Variants in STAG1 observed in about 807,000 individuals in gnomAD.
The protein encoded by STAG1 is STAG1 cohesin complex component, also known as cohesin subunit SA-1.
Under a neutral mutation model 170.9 loss-of-function variants are expected in STAG1, and 26 were observed. The ratio of observed to expected loss-of-function variants is 0.15; its 90% confidence interval spans 0.11 to 0.21. STAG1 has a LOEUF of 0.21. Ranked by LOEUF, STAG1 falls within the 10% of genes least tolerant of loss-of-function variation. STAG1 has a pLI of 1.00. For synonymous variants in STAG1, 514 were observed against 497.7 expected (o/e 1.03, Z -0.44); for missense variants, 964 against 1,509.5 (o/e 0.64, Z 5.99).
chr3:136,481,938 A>C (rs372408903), intron 9 of STAG1, among the ~76,000 whole-genome samples: 12,493 of 47,594 alleles, frequency 0.26, 4,812 homozygotes, highest in Non-Finnish European at 0.38. Flanking sequence ...CCCCTTTATC[A>C]TTTTTTATTG....
intron 27 of STAG1, among the ~76,000 whole-genome samples, chr3:136,358,340 C>T (rs1430233744): frequency 6.6e-6 from 1 of 152,082 alleles, no homozygotes; most frequent in Non-Finnish European, 1.5e-5. Flanking sequence ...CTCCTTTGGC[C>T]TCCCAAAGTG....
At chr3:136,635,357 A>G (rs1422832231) in intron 1 of STAG1, among the ~76,000 whole-genome samples, 1 of 152,198 alleles carries the variant, frequency 6.6e-6, no homozygotes, top group Non-Finnish European at 1.5e-5. Flanking sequence ...AAAGAGCCAA[A>G]AAAGAAAAAC....
intron 26 of STAG1, 104 bp from the exon 27 acceptor site, chr3:136,359,400 GTT>G (rs1936773113): frequency 1.3e-6 from 1 of 770,528 alleles, no homozygotes; most frequent in African/African-American, 1.8e-5. Flanking sequence ...AAGGTGAAAT[GTT>G]TCTCTTCTTG....
At chr3:136,635,017 G>C (rs1297042326) in intron 1 of STAG1, among the ~76,000 whole-genome samples, 1 of 152,108 alleles carries the variant, frequency 6.6e-6, no homozygotes, top group East Asian at 1.9e-4. Context: ...AGGAAGAAAA[G>C]CCCAGGACCA....
At chr3:136,410,192 G>A (rs757010882) in intron 21 of STAG1, among the ~76,000 whole-genome samples, 11 of 152,062 alleles carry the variant, frequency 7.2e-5, no homozygotes, top group Non-Finnish European at 1.3e-4. Flanking sequence ...CTGAGGTCAG[G>A]AGTTCAAGAC....
intron 13 of STAG1, among the ~76,000 whole-genome samples, chr3:136,462,479 T>C (rs2089301156): frequency 6.6e-6 from 1 of 151,696 alleles, no homozygotes; most frequent in Non-Finnish European, 1.5e-5. Context: ...ATGTGGGAGC[T>C]AAAAAAAAGA....
At chr3:136,685,733 C>T (rs1368707813) in intron 1 of STAG1, among the ~76,000 whole-genome samples, 1 of 151,114 alleles carries the variant, frequency 6.6e-6, no homozygotes, top group Non-Finnish European at 1.5e-5. Flanking sequence ...CTGGAAAAGG[C>T]AAAACGAAAA....
chr3:136,355,712 T>C (rs1457503916), intron 28 of STAG1, among the ~76,000 whole-genome samples: 2 of 151,896 alleles, frequency 1.3e-5, no homozygotes. Context: ...TTTAAAAGGA[T>C]TAAAATAATA....
intron 23 of STAG1, among the ~76,000 whole-genome samples, chr3:136,376,028 A>ATT (rs1297090066): frequency 1.4e-5 from 2 of 145,266 alleles, no homozygotes; most frequent in African/African-American, 5.2e-5. Context: ...AAATAAAATA[A>ATT]AATAAAATAA....
intron 1 of STAG1, among the ~76,000 whole-genome samples, chr3:136,691,051 A>C (rs562311627): frequency 1.2e-4 from 18 of 151,626 alleles, no homozygotes; most frequent in Non-Finnish European, 2.1e-4. Flanking sequence ...CAATCCCAAC[A>C]CTCTGGAAAG....
At chr3:136,385,211 G>A (rs944908170) in intron 22 of STAG1, among the ~76,000 whole-genome samples, 3 of 152,186 alleles carry the variant, frequency 2.0e-5, no homozygotes, top group Admixed American at 1.3e-4. Context: ...TACTTTGGGA[G>A]GGGGAGGCAG....
intron 1 of STAG1, among the ~76,000 whole-genome samples, chr3:136,638,991 A>G (rs916461782): frequency 6.6e-6 from 1 of 152,086 alleles, no homozygotes; most frequent in Non-Finnish European, 1.5e-5. Flanking sequence ...AAAACAGCTA[A>G]CAAGTAAAAA....
intron 21 of STAG1, among the ~76,000 whole-genome samples, chr3:136,399,662 T>C (rs1348390793): frequency 1.3e-5 from 2 of 152,192 alleles, no homozygotes; most frequent in African/African-American, 2.4e-5. Flanking sequence ...TGGATCATAT[T>C]GCGATTAACA....
intron 6 of STAG1, among the ~76,000 whole-genome samples, chr3:136,540,815 G>C (rs1240655315): frequency 2.6e-5 from 1 of 39,200 alleles, no homozygotes; most frequent in Non-Finnish European, 5.5e-5. Context: ...GAGTGAAACT[G>C]TGTCTCCAAA....
intron 6 of STAG1, among the ~76,000 whole-genome samples, chr3:136,536,573 C>T (rs754705448): frequency 5.3e-5 from 8 of 151,776 alleles, no homozygotes; most frequent in East Asian, 1.9e-4. Flanking sequence ...TGGTGGTGTG[C>T]GCCTGTAGTC....
At chr3:136,433,463 T>C (rs1243955557) in intron 16 of STAG1, 93 bp downstream of exon 16, 2 of 852,280 alleles carry the variant, frequency 2.3e-6, no homozygotes, top group African/African-American at 1.7e-5. Flanking sequence ...ACCATGTTTT[T>C]AGGGATACAA....
At chr3:136,491,714 CG>C (rs1250830058) in intron 9 of STAG1, among the ~76,000 whole-genome samples, 2 of 152,066 alleles carry the variant, frequency 1.3e-5, no homozygotes, top group Non-Finnish European at 2.9e-5. Flanking sequence ...ATTTGTTGGC[CG>C]GGTGCAGTGG....
intron 23 of STAG1, among the ~76,000 whole-genome samples, chr3:136,377,082 G>T (rs1345261847): frequency 1.3e-5 from 2 of 149,628 alleles, no homozygotes; most frequent in African/African-American, 4.9e-5. Context: ...CGGCCATTCT[G>T]GTGTCAATTC....
At chr3:136,633,861 C>T (rs909006534) in intron 1 of STAG1, among the ~76,000 whole-genome samples, 3 of 146,740 alleles carry the variant, frequency 2.0e-5, no homozygotes, top group East Asian at 2.1e-4. Flanking sequence ...CAGTAGCCCA[C>T]GCTTATAATC....
Sources: gnomAD v4.1 joint callset for allele counts (sites outside exome capture counted in the v4.1 genomes callset) on GRCh38, gnomAD v4.1.1 for gene constraint, MANE v1.5 for transcripts, NCBI Gene and HGNC (gene_info 2026-07-23, HGNC 2026-07-21) for gene names.